The following KCNN1 variants were observed in gnomAD, a reference collection of about 807,000 sequenced individuals.
The protein encoded by KCNN1 is small conductance calcium-activated potassium channel protein 1.
A neutral mutation model predicts 44.7 loss-of-function variants in KCNN1; 20 were observed. The ratio of observed to expected loss-of-function variants is 0.45; its 90% CI spans 0.32 to 0.65. KCNN1 has a LOEUF of 0.65. Among genes scored for constraint, KCNN1 ranks in the 30% least tolerant of loss-of-function variants. The pLI is 0.05. For synonymous variants in KCNN1, 324 were observed against 341.7 expected, an observed-to-expected ratio of 0.95 and a Z score of 0.57; for missense variants, 632 against 785.3, an observed-to-expected ratio of 0.80 and a Z score of 2.33.
At chr19:17,968,861 T>C (rs535926681) in intron 1 of KCNN1, among the ~76,000 whole-genome samples, 2 of 152,200 alleles carry the variant, frequency 1.3e-5, no homozygotes, top group South Asian at 4.1e-4. Flanking sequence ...CCCCGTAGGA[T>C]GTTTGTTGTT....
Position 17,993,375 on chromosome 19 carries a change from T to C in KCNN1, c.1308-115T>C. The C allele has an allele frequency of 1.3e-6, 1 of 772,552 alleles. No individual in the cohort carries two copies. The highest frequency in any genetic ancestry group is 2.7e-5 in the East Asian group (1 of 37,410). 47.9% of individuals were successfully genotyped at this position (772,552 alleles called of 1,614,324 possible). A position where few individuals can be genotyped will look rare whatever the true frequency, so the allele number is the denominator to read the frequency against. On this transcript the variant is annotated intron_variant, in intron 8 of 9. Transcript: ENST00000684775. This position sits in a 1 kb window ranked among gnomAD's most constrained non-coding sequence, Gnocchi z 4.5. ...AATCGGCCTCCCAACTCCCACCTCA[T>C]CCTCTGATGCATGTCCCATAGGTGA... is the stretch of plus-strand genomic sequence containing the variant.
chr19:17,951,581 C>A (rs990329874), intron 1 of KCNN1, among the ~76,000 whole-genome samples: 3 of 152,150 alleles, frequency 2.0e-5, no homozygotes, highest in African/African-American at 7.2e-5. Context: ...AACTCTGCCA[C>A]CCAAGCCCGG....
chr19:17,973,845 C>T lies in KCNN1; in HGVS notation c.-44C>T, dbSNP rs1283786831. 1.3e-6 allele frequency: 2 copies of T among 1,539,768 alleles called. No homozygotes were observed. Among genetic ancestry groups the T allele is most frequent in the African/African-American group, 1.4e-5 (1 of 72,942 alleles). On this transcript the variant is annotated 5_prime_UTR_variant, in exon 2 of 10. Coordinates refer to ENST00000684775, the MANE Select transcript of KCNN1 (RefSeq NM_001386974.1). ...GCCCAGCCGCTGAGCCATGCCGGGC[C>T]CCGGGCGGCCTGCAGCGAGCCCAAC...
At chr19:17,973,438 G>A (rs1180399133) in intron 1 of KCNN1, among the ~76,000 whole-genome samples, 4 of 152,122 alleles carry the variant, frequency 2.6e-5, no homozygotes, top group African/African-American at 9.7e-5. Context: ...GCACCACTAC[G>A]CCTGGCTAAT....
intron 9 of KCNN1, among the ~76,000 whole-genome samples, chr19:17,995,309 G>A (rs900218951): frequency 6.6e-6 from 1 of 151,784 alleles, no homozygotes; most frequent in Non-Finnish European, 1.5e-5. Context: ...GAGTAGCTGG[G>A]ACTACAGGCG....
chr19:17,952,412 TG>T (rs2031436330), intron 1 of KCNN1: 1 of 152,146 alleles, frequency 6.6e-6, no homozygotes, highest in African/African-American at 2.4e-5. Flanking sequence ...GTGGGCGGAT[TG>T]GTCAAAGCTT....
intron 3 of KCNN1, 46 bp from the exon 4 acceptor site, chr19:17,981,663 G>C (rs536886746): frequency 6.6e-7 from 1 of 1,518,170 alleles, no homozygotes; most frequent in Non-Finnish European, 8.9e-7. Context: ...CAGGGAGCGC[G>C]GCGCGTGTCT....
intron 6 of KCNN1, 93 bp downstream of exon 6, chr19:17,988,618 C>T (rs1013704520): frequency 3.1e-5 from 29 of 929,064 alleles, no homozygotes; most frequent in Middle Eastern, 2.1e-4. Flanking sequence ...CGGGCATGCT[C>T]ATGTGCCCAT....
Position 17,993,264 on chromosome 19 carries a change from C to G in KCNN1, c.1307+202C>G, listed in dbSNP as rs1312667929. Among the ~76,000 whole-genome samples the G allele has an allele frequency of 6.6e-6, 1 of 152,170 alleles. No individual in the cohort carries two copies. The highest frequency in any genetic ancestry group is 1.5e-5 in the Non-Finnish European group (1 of 68,030). Reference sequence around the variant, plus strand: ...TCCTGAGTTGGGCCGGAGACAGGACCAGCCAATGGGTGGTGTGGGCGGTGG... The same window carrying G: ...TCCTGAGTTGGGCCGGAGACAGGACGAGCCAATGGGTGGTGTGGGCGGTGG... On this transcript the variant is annotated intron_variant, in intron 8 of 9. Transcript: ENST00000684775. The surrounding 1 kb of genome is among the most constrained non-coding windows in gnomAD (Gnocchi z 4.5).
At position 17,973,840 on chromosome 19, in the gene KCNN1, C is replaced by T. The variant is rs373428027; in HGVS notation, c.-49C>T. 3.1e-5 allele frequency: 47 copies of T among 1,537,532 alleles called. No individual in the cohort carries two copies. The highest frequency in any genetic ancestry group is 2.3e-4 in the South Asian group (19 of 83,512). ...CAGGAGCCCAGCCGCTGAGCCATGC[C>T]GGGCCCCGGGCGGCCTGCAGCGAGC... On this transcript the variant is annotated 5_prime_UTR_variant, in exon 2 of 10. Coordinates refer to ENST00000684775, the MANE Select transcript of KCNN1 (RefSeq NM_001386974.1).
At chr19:17,972,998 T>C (rs2032074375) in intron 1 of KCNN1, among the ~76,000 whole-genome samples, 1 of 152,132 alleles carries the variant, frequency 6.6e-6, no homozygotes, top group South Asian at 2.1e-4. Context: ...AAGGATGAAC[T>C]TGTTGGAATC....
intron 2 of KCNN1, chr19:17,954,694 C>G (rs1037147877): frequency 3.9e-5 from 6 of 152,210 alleles, no homozygotes; most frequent in African/African-American, 1.2e-4. Flanking sequence ...GAGTGAATCC[C>G]AGACTTGGGT....
intron 9 of KCNN1, among the ~76,000 whole-genome samples, chr19:17,996,739 G>GGTA (rs1350205932): frequency 6.6e-6 from 1 of 152,230 alleles, no homozygotes; most frequent in East Asian, 1.9e-4. Context: ...GAGAGGCCAG[G>GGTA]GTAAGGTCAG....
intron 1 of KCNN1, among the ~76,000 whole-genome samples, chr19:17,967,930 G>A (rs1316306096): frequency 2.0e-5 from 3 of 151,966 alleles, no homozygotes; most frequent in Non-Finnish European, 4.4e-5. Context: ...CTGGCTGCTG[G>A]CAGGCTCCTG....
chr19:17,982,943 G>A (rs1250624383), intron 4 of KCNN1, among the ~76,000 whole-genome samples: 1 of 152,076 alleles, frequency 6.6e-6, no homozygotes, highest in Non-Finnish European at 1.5e-5. Context: ...GGGAGCCTGA[G>A]GCAGGAGAAT....
At chr19:17,964,334 G>A (rs185464349), upstream of KCNN1, among the ~76,000 whole-genome samples, 902 of 152,202 alleles carry the variant, frequency 5.9e-3, 9 homozygotes, top group African/African-American at 0.021. This position sits in a 1 kb window ranked among gnomAD's most constrained non-coding sequence, Gnocchi z 4.3. Context: ...TCCCTGCTCC[G>A]GCCACTACCT....
upstream of KCNN1, among the ~76,000 whole-genome samples, chr19:17,964,059 G>C (rs891056499): frequency 1.3e-5 from 2 of 152,208 alleles, no homozygotes; most frequent in Admixed American, 1.3e-4. The surrounding 1 kb of genome is among the most constrained non-coding windows in gnomAD (Gnocchi z 4.3). Flanking sequence ...TCTCTAGGGT[G>C]CTGCATTCCC....
At chr19:17,987,831 G>A (rs1223399967) in intron 5 of KCNN1, among the ~76,000 whole-genome samples, 3 of 114,294 alleles carry the variant, frequency 2.6e-5, no homozygotes, top group Non-Finnish European at 5.1e-5. Context: ...ACCCCATATC[G>A]CTACCAAAAA....
chr19:17,979,388 G>A (rs1299036349), intron 3 of KCNN1, among the ~76,000 whole-genome samples: 6 of 143,038 alleles, frequency 4.2e-5, no homozygotes, highest in Admixed American at 2.9e-4. Flanking sequence ...AGCCGAGATC[G>A]CGTCACTGCA....
Sources: gnomAD v4.1 joint callset for allele counts (sites outside exome capture counted in the v4.1 genomes callset) on GRCh38, gnomAD v4.1.1 for gene constraint, Gnocchi (gnomAD v3.1) non-coding constraint, MANE v1.5 for transcripts, NCBI Gene and HGNC (gene_info 2026-07-23, HGNC 2026-07-21) for gene names.